The following RIGI variants were observed in gnomAD, a reference collection of about 807,000 sequenced individuals.
The protein encoded by RIGI is RNA sensor RIG-I, also known as antiviral innate immune response receptor RIG-I.
chr9:32,475,942 A>T, the RIGI span, among the ~76,000 whole-genome samples: 2 of 152,084 alleles, frequency 1.3e-5, no homozygotes, highest in Non-Finnish European at 2.9e-5. Context: ...CTTTTTTGTC[A>T]GACTATAAAA....
At chr9:32,485,357 A>G in the RIGI span, 1 of 1,042,366 alleles carries the variant, frequency 9.6e-7, no homozygotes, top group Non-Finnish European at 1.4e-6. Context: ...AGTTCAAAGT[A>G]GGTATCTCTA....
At chr9:32,457,033 A>G in the RIGI span, 1 of 992,258 alleles carries the variant, frequency 1.0e-6, no homozygotes, top group South Asian at 1.5e-5. Flanking sequence ...TCACAGGGGT[A>G]CAAGCGATCC....
the RIGI span, among the ~76,000 whole-genome samples, chr9:32,465,320 T>TAAG: frequency 6.6e-6 from 1 of 152,236 alleles, no homozygotes; most frequent in Non-Finnish European, 1.5e-5. Context: ...TGTCCTAAAA[T>TAAG]AAGTGTTAAT....
the RIGI span, among the ~76,000 whole-genome samples, chr9:32,517,825 G>A: frequency 6.6e-6 from 1 of 152,054 alleles, no homozygotes; most frequent in Admixed American, 6.6e-5. Context: ...TGGTTAAGAA[G>A]GAAATGATGC....
chr9:32,502,922 C>T, the RIGI span, among the ~76,000 whole-genome samples: 3 of 152,204 alleles, frequency 2.0e-5, no homozygotes, highest in East Asian at 1.9e-4. Context: ...ATGACCTCAT[C>T]GTAACTAATT....
At chr9:32,483,882 T>C in the RIGI span, among the ~76,000 whole-genome samples, 1 of 152,048 alleles carries the variant, frequency 6.6e-6, no homozygotes, top group African/African-American at 2.4e-5. Flanking sequence ...AAACACACCT[T>C]ATCACCCCCA....
the RIGI span, among the ~76,000 whole-genome samples, chr9:32,505,252 A>G: frequency 6.6e-6 from 1 of 151,910 alleles, no homozygotes; most frequent in Non-Finnish European, 1.5e-5. Flanking sequence ...CACATTATAA[A>G]GTAAAAAGGC....
At chr9:32,463,744 G>A in the RIGI span, among the ~76,000 whole-genome samples, 1 of 151,742 alleles carries the variant, frequency 6.6e-6, no homozygotes, top group South Asian at 2.1e-4. Context: ...CACACACTGA[G>A]GTGGAGAAAA....
At chr9:32,526,080 C>T in the RIGI span, 5 of 1,613,816 alleles carry the variant, frequency 3.1e-6, no homozygotes, top group Non-Finnish European at 4.2e-6. Flanking sequence ...ACCAGGGGGC[C>T]ATGTAGCTCA....
chr9:32,462,404 C>CTTTTTTT, the RIGI span, among the ~76,000 whole-genome samples: 3 of 85,924 alleles, frequency 3.5e-5, no homozygotes, highest in African/African-American at 9.0e-5. Context: ...TTAGATCTAG[C>CTTTTTTT]TTTTTTTTTT....
At chr9:32,502,541 C>T in the RIGI span, among the ~76,000 whole-genome samples, 1 of 152,308 alleles carries the variant, frequency 6.6e-6, no homozygotes, top group Admixed American at 6.5e-5. Context: ...TCATTTTAGC[C>T]TTCTGTATTA....
At chr9:32,492,110 G>A in the RIGI span, among the ~76,000 whole-genome samples, 4 of 152,190 alleles carry the variant, frequency 2.6e-5, no homozygotes, top group African/African-American at 7.2e-5. Flanking sequence ...TCTAAACTTA[G>A]ACTGAGAGTT....
the RIGI span, among the ~76,000 whole-genome samples, chr9:32,458,306 A>G: frequency 1.3e-5 from 2 of 152,202 alleles, no homozygotes; most frequent in African/African-American, 4.8e-5. Flanking sequence ...ATAAGGAGAT[A>G]TTTTGTTTTC....
the RIGI span, chr9:32,487,658 A>G: frequency 6.2e-7 from 1 of 1,606,976 alleles, no homozygotes; most frequent in East Asian, 2.2e-5. Flanking sequence ...CAAAATCATT[A>G]GATGTCTGAG....
the RIGI span, among the ~76,000 whole-genome samples, chr9:32,514,689 C>T: frequency 6.6e-6 from 1 of 152,078 alleles, no homozygotes; most frequent in African/African-American, 2.4e-5. Context: ...CAAACCTGCA[C>T]GTTCTGCACA....
chr9:32,490,373 A>C, the RIGI span, among the ~76,000 whole-genome samples: 1 of 152,170 alleles, frequency 6.6e-6, no homozygotes, highest in Non-Finnish European at 1.5e-5. Flanking sequence ...TCAGTCTCAA[A>C]AAACAATAAC....
the RIGI span, chr9:32,487,906 T>C: frequency 6.2e-7 from 1 of 1,604,350 alleles, no homozygotes; most frequent in African/African-American, 1.3e-5. Flanking sequence ...TTAGGAAGAT[T>C]ATAGCTCTTC....
the RIGI span, among the ~76,000 whole-genome samples, chr9:32,507,305 G>C: frequency 6.6e-6 from 1 of 152,106 alleles, no homozygotes; most frequent in Non-Finnish European, 1.5e-5. Flanking sequence ...GATCACTTTG[G>C]CAAAGCTTTT....
the RIGI span, chr9:32,485,356 T>G: frequency 9.6e-7 from 1 of 1,039,796 alleles, no homozygotes; most frequent in Non-Finnish European, 1.4e-6. Context: ...TAGTTCAAAG[T>G]AGGTATCTCT....
Sources: gnomAD v4.1 joint callset for allele counts (sites outside exome capture counted in the v4.1 genomes callset) on GRCh38, gnomAD v4.1.1 for gene constraint, MANE v1.5 for transcripts, NCBI Gene and HGNC (gene_info 2026-07-23, HGNC 2026-07-21) for gene names.